COL5A2: variants seen among roughly 807,000 people sequenced by gnomAD.
The protein encoded by COL5A2 is collagen alpha-2(V) chain.
A neutral mutation model predicts 208.2 loss-of-function variants in COL5A2; 23 were observed. The observed-to-expected ratio is 0.11, with a 90% CI of 0.08 to 0.16. The LOEUF (loss-of-function observed/expected upper bound fraction) is 0.16, where lower values mean the gene tolerates loss of function less well. Among genes scored for constraint, COL5A2 ranks in the 10% least tolerant of loss-of-function variants. COL5A2 has a pLI of 1.00. For missense variants in COL5A2, 1,590 were observed against 1,956.4 expected, an observed-to-expected ratio of 0.81 and a Z score of 3.53; for synonymous variants, 625 against 628.5, an observed-to-expected ratio of 0.99 and a Z score of 0.08.
chr2:189,034,728 G>T (rs1473224185), intron 53 of COL5A2, among the ~76,000 whole-genome samples, 188 bp downstream of exon 53: 2 of 152,080 alleles, frequency 1.3e-5, no homozygotes, highest in Admixed American at 6.6e-5. Context: ...TTACTATATG[G>T]ATTCAAACCT....
At chr2:189,167,224 C>T (rs1461441567) in intron 1 of COL5A2, among the ~76,000 whole-genome samples, 2 of 152,128 alleles carry the variant, frequency 1.3e-5, no homozygotes, top group South Asian at 2.1e-4. Flanking sequence ...CTCAGGTGAG[C>T]GGGACACTTG....
At chr2:189,182,129 T>C (rs1466445279), upstream of COL5A2, among the ~76,000 whole-genome samples, 1 of 152,224 alleles carries the variant, frequency 6.6e-6, no homozygotes, top group Admixed American at 6.5e-5. Context: ...ACCAGGAATA[T>C]CTGTTTAATA....
chr2:189,263,060 T>C, the COL5A2 span, among the ~76,000 whole-genome samples: 1 of 152,158 alleles, frequency 6.6e-6, no homozygotes, highest in South Asian at 2.1e-4. Context: ...GATTTTGTAA[T>C]TGAATGACTG....
chr2:189,051,597 C>T (rs1685790588), intron 41 of COL5A2, 116 bp from the exon 42 acceptor site: 2 of 841,546 alleles, frequency 2.4e-6, no homozygotes, highest in Admixed American at 6.8e-5. Context: ...GTTCATTTTA[C>T]CTGTTAGATA....
intron 12 of COL5A2, among the ~76,000 whole-genome samples, chr2:189,081,408 T>C (rs59880272): frequency 0.14 from 21,582 of 151,982 alleles, 1,517 homozygotes; most frequent in Middle Eastern, 0.19. Context: ...TATACCAAGG[T>C]AGAAAAAAAA....
rs190472917 is a variant in COL5A2, at chr2:189,045,523, G to A, written c.3309+277C>T. 5.1e-4 allele frequency among the ~76,000 whole-genome samples: 78 copies of A among 152,218 alleles called. 1 individual carries two copies. The highest frequency in any genetic ancestry group is 4.6e-3 in the Admixed American group (71 of 15,284). ...TGAATACAGTAAGACATTATTCATT[G>A]ACATTTAACATGATGCATACTTATT... On this transcript the variant is annotated intron_variant, in intron 46 of 53. Transcript: ENST00000374866.
At chr2:189,096,806 T>C (rs753492803) in intron 6 of COL5A2, among the ~76,000 whole-genome samples, 4 of 152,186 alleles carry the variant, frequency 2.6e-5, no homozygotes, top group Non-Finnish European at 5.9e-5. Flanking sequence ...AGTAATGGGA[T>C]TGCTGATTTT....
At chr2:189,143,469 T>G (rs1302050403) in intron 1 of COL5A2, among the ~76,000 whole-genome samples, 1 of 152,190 alleles carries the variant, frequency 6.6e-6, no homozygotes, top group Non-Finnish European at 1.5e-5. Context: ...TTTCCCACTG[T>G]AAAATTTTCT....
At position 189,041,698 on chromosome 2, in the gene COL5A2, A is replaced by C; in HGVS notation, c.3526-5T>G. Reference sequence around the variant, plus strand: ...ACCAACTGGGCCTGGAGGACCCTGCAAGAAACAAAGACTGTAGTTTAGATT... The same window carrying C: ...ACCAACTGGGCCTGGAGGACCCTGCCAGAAACAAAGACTGTAGTTTAGATT... On this transcript the variant is annotated splice_region_variant and splice_polypyrimidine_tract_variant and intron_variant, in intron 49 of 53. Transcript: ENST00000374866. 1 of 1,606,106 alleles carries C rather than the reference A, an allele frequency of 6.2e-7. No individual in the cohort carries two copies. The highest frequency in any genetic ancestry group is 1.1e-5 in the South Asian group (1 of 90,918).
At chr2:189,278,920 A>G in the COL5A2 span, among the ~76,000 whole-genome samples, 5 of 151,896 alleles carry the variant, frequency 3.3e-5, no homozygotes, top group African/African-American at 1.2e-4. Context: ...GTCCTTCTTC[A>G]TAAGAGTTTA....
upstream of COL5A2, among the ~76,000 whole-genome samples, chr2:189,184,285 T>TC (rs1235746190): frequency 6.8e-6 from 1 of 146,730 alleles, no homozygotes; most frequent in African/African-American, 2.5e-5. Context: ...AAAAAAAAAA[T>TC]CACCAGAAAA....
chr2:189,035,766 AC>A (rs1372045997), intron 52 of COL5A2, among the ~76,000 whole-genome samples: 2 of 152,080 alleles, frequency 1.3e-5, no homozygotes, highest in Non-Finnish European at 2.9e-5. Flanking sequence ...TCTTGTATAC[AC>A]CCATAATGTT....
At chr2:189,134,282 C>T (rs936359588) in intron 1 of COL5A2, among the ~76,000 whole-genome samples, 2 of 152,078 alleles carry the variant, frequency 1.3e-5, no homozygotes, top group African/African-American at 2.4e-5. Flanking sequence ...ATTTGCTAGA[C>T]TCTATTTTTA....
intron 1 of COL5A2, among the ~76,000 whole-genome samples, chr2:189,122,599 C>A (rs1195555127): frequency 2.6e-5 from 4 of 152,182 alleles, no homozygotes; most frequent in African/African-American, 9.7e-5. Flanking sequence ...CTGGCAAATA[C>A]CTGCAACATT....
the COL5A2 span, among the ~76,000 whole-genome samples, chr2:189,300,510 G>A: frequency 6.6e-6 from 1 of 152,210 alleles, no homozygotes; most frequent in Non-Finnish European, 1.5e-5. Flanking sequence ...AAAGGAAGAA[G>A]GCTAAAACTG....
chr2:189,324,193 A>T, the COL5A2 span, among the ~76,000 whole-genome samples: 3 of 152,314 alleles, frequency 2.0e-5, no homozygotes, highest in African/African-American at 7.2e-5. Context: ...AAAGACTTAG[A>T]CCTAAAACCA....
intron 8 of COL5A2, among the ~76,000 whole-genome samples, chr2:189,088,231 C>T (rs1247948722): frequency 6.6e-6 from 1 of 152,130 alleles, no homozygotes; most frequent in Non-Finnish European, 1.5e-5. Flanking sequence ...ATTGAGAAGA[C>T]TCAGCCAGGA....
chr2:189,355,958 G>T, the COL5A2 span, among the ~76,000 whole-genome samples: 2 of 152,138 alleles, frequency 1.3e-5, no homozygotes, highest in East Asian at 1.9e-4. Flanking sequence ...AGGAGCTCTT[G>T]TAAGGCAGGC....
the COL5A2 span, among the ~76,000 whole-genome samples, chr2:189,267,679 C>T: frequency 6.6e-6 from 1 of 151,948 alleles, no homozygotes; most frequent in Non-Finnish European, 1.5e-5. Context: ...CTCCTGGAGA[C>T]ATGATTCACA....
Sources: allele counts gnomAD v4.1 joint callset (sites outside exome capture counted in the v4.1 genomes callset), GRCh38; gene constraint gnomAD v4.1.1; transcripts MANE v1.5; gene names NCBI Gene and HGNC (gene_info 2026-07-23, HGNC 2026-07-21).